SHISA6: variants seen among roughly 807,000 people sequenced by gnomAD.
The protein encoded by SHISA6 is protein shisa-6.
A neutral mutation model predicts 47.9 loss-of-function variants in SHISA6; 22 were observed. The observed-to-expected ratio is 0.46, with a 90% CI of 0.33 to 0.66. The LOEUF is 0.66. Ranked by LOEUF, SHISA6 falls within the 30% of genes least tolerant of loss-of-function variation. The pLI, the probability that SHISA6 is intolerant of heterozygous loss-of-function variation, is 0.02. For missense variants in SHISA6, 680 were observed against 764.6 expected (o/e 0.89, Z 1.30); for synonymous variants, 388 against 337.8 (o/e 1.15, Z -1.63).
chr17:11,298,970 G>A (rs1386536608), intron 2 of SHISA6, among the ~76,000 whole-genome samples: 1 of 152,186 alleles, frequency 6.6e-6, no homozygotes, highest in African/African-American at 2.4e-5. Flanking sequence ...TGTGCTTTGG[G>A]TCTAGTCTAT....
At chr17:11,297,366 A>T (rs1302711159) in intron 2 of SHISA6, among the ~76,000 whole-genome samples, 1 of 152,168 alleles carries the variant, frequency 6.6e-6, no homozygotes, top group Non-Finnish European at 1.5e-5. Context: ...ATAGCCCAAG[A>T]TAATTGTTCT....
At chr17:11,446,111 C>T (rs1012933191) in intron 3 of SHISA6, among the ~76,000 whole-genome samples, 1 of 152,204 alleles carries the variant, frequency 6.6e-6, no homozygotes, top group African/African-American at 2.4e-5. Flanking sequence ...CAGGCTTGAG[C>T]CACCGCAGCA....
At chr17:11,256,970 C>A (rs1364173344) in intron 1 of SHISA6, among the ~76,000 whole-genome samples, 1 of 152,190 alleles carries the variant, frequency 6.6e-6, no homozygotes, top group Non-Finnish European at 1.5e-5. Context: ...GCAGGCCGTG[C>A]CTTCCCTCAC....
intron 2 of SHISA6, among the ~76,000 whole-genome samples, chr17:11,330,857 C>T (rs569961663): frequency 6.6e-6 from 1 of 152,244 alleles, no homozygotes; most frequent in African/African-American, 2.4e-5. Flanking sequence ...AGTGGGGAAG[C>T]GCCTGACTTT....
intron 3 of SHISA6, among the ~76,000 whole-genome samples, chr17:11,542,224 C>T (rs183986881): frequency 6.6e-6 from 1 of 152,034 alleles, no homozygotes; most frequent in East Asian, 1.9e-4. Context: ...GTGAGATACC[C>T]TTGCCTTCTC....
intron 3 of SHISA6, among the ~76,000 whole-genome samples, chr17:11,531,209 CTCTG>C (rs1460207653): frequency 3.0e-5 from 4 of 132,522 alleles, no homozygotes; most frequent in African/African-American, 2.9e-5. Context: ...CAGGTTACTA[CTCTG>C]TGTGTGTGTG....
chr17:11,293,949 A>G (rs1597444258), intron 2 of SHISA6, among the ~76,000 whole-genome samples: 2 of 150,914 alleles, frequency 1.3e-5, no homozygotes, highest in African/African-American at 4.9e-5. Flanking sequence ...GCAGTGGCAC[A>G]ATCTCGGCTC....
rs61051749 is a variant in SHISA6, at chr17:11,501,115, AT to A, written c.896-50767del. Among the ~76,000 whole-genome samples, 1,197 of 145,054 alleles carry A rather than the reference AT, an allele frequency of 8.3e-3. 8 individuals are homozygous for A. The highest frequency in any genetic ancestry group is 0.02 in the African/African-American group (793 of 39,480). Reference sequence around the variant, plus strand: ...TATTAATCTCTAATGCTTCCAACACATTTTTTTTTTTTTTGAGATGGAGTTT... The same window carrying A: ...TATTAATCTCTAATGCTTCCAACACATTTTTTTTTTTTTGAGATGGAGTTT... On this transcript the variant is annotated intron_variant, in intron 3 of 5. Transcript: ENST00000441885.
intron 3 of SHISA6, among the ~76,000 whole-genome samples, chr17:11,435,911 C>T (rs1356506095): frequency 1.3e-5 from 2 of 152,116 alleles, no homozygotes; most frequent in Non-Finnish European, 2.9e-5. Context: ...TTTGTTTTTC[C>T]TTTTTATTTA....
At chr17:11,324,052 G>C (rs1352499648) in intron 2 of SHISA6, among the ~76,000 whole-genome samples, 2 of 152,160 alleles carry the variant, frequency 1.3e-5, no homozygotes, top group Non-Finnish European at 2.9e-5. Flanking sequence ...AGCGGTATAT[G>C]CACCCCTATT....
intron 2 of SHISA6, among the ~76,000 whole-genome samples, chr17:11,314,537 GT>G (rs1330886916): frequency 1.3e-4 from 19 of 143,894 alleles, no homozygotes; most frequent in African/African-American, 3.1e-4. Flanking sequence ...TCATTTTTTT[GT>G]TTTTTTTTTT....
intron 2 of SHISA6, among the ~76,000 whole-genome samples, chr17:11,317,860 AC>A (rs1473253811): frequency 5.9e-5 from 4 of 67,612 alleles, no homozygotes; most frequent in African/African-American, 2.1e-4. Context: ...CTTTTTGTTA[AC>A]TTTTTTTATT....
At chr17:11,423,215 A>ATGTGTG (rs140387181) in intron 3 of SHISA6, among the ~76,000 whole-genome samples, 84 of 135,710 alleles carry the variant, frequency 6.2e-4, no homozygotes, top group African/African-American at 2.3e-3. Flanking sequence ...ACATATATGT[A>ATGTGTG]TGTGTGTGTG....
intron 3 of SHISA6, among the ~76,000 whole-genome samples, chr17:11,537,361 G>A (rs1335104922): frequency 6.6e-6 from 1 of 152,094 alleles, no homozygotes; most frequent in Non-Finnish European, 1.5e-5. Flanking sequence ...GTGGCGGCGG[G>A]GGGGATCCCA....
intron 2 of SHISA6, among the ~76,000 whole-genome samples, chr17:11,314,999 A>G (rs1237430248): frequency 6.6e-6 from 1 of 152,244 alleles, no homozygotes; most frequent in Non-Finnish European, 1.5e-5. Context: ...TTATTTTTAA[A>G]TAAATCAGTG....
At chr17:11,379,221 AAT>A (rs1387013371) in intron 2 of SHISA6, among the ~76,000 whole-genome samples, 191 bp from the exon 3 acceptor site, 1 of 148,218 alleles carries the variant, frequency 6.7e-6, no homozygotes, top group African/African-American at 2.5e-5. Flanking sequence ...TATATTCAGT[AAT>A]ATATATATTT....
At chr17:11,428,706 C>T (rs1278860200) in intron 3 of SHISA6, among the ~76,000 whole-genome samples, 7 of 151,872 alleles carry the variant, frequency 4.6e-5, no homozygotes, top group African/African-American at 1.7e-4. Flanking sequence ...ATCATGGTTT[C>T]CCACAGGGCT....
chr17:11,417,695 T>A (rs2142278598), intron 3 of SHISA6, among the ~76,000 whole-genome samples: 1 of 152,356 alleles, frequency 6.6e-6, no homozygotes, highest in South Asian at 2.1e-4. Context: ...AGCAGAGCCA[T>A]TGCTGGTAGT....
chr17:11,357,063 C>G lies in SHISA6; in HGVS notation c.800-22351C>G, dbSNP rs143851140. Among the ~76,000 whole-genome samples, 215 of 151,898 alleles carry G rather than the reference C, an allele frequency of 1.4e-3. 3 individuals are homozygous for G. In the East Asian group the frequency reaches 0.026, roughly 18 times the overall value. On this transcript the variant is annotated intron_variant, in intron 2 of 5. Coordinates refer to ENST00000441885, the MANE Select transcript of SHISA6 (RefSeq NM_207386.4). ...AGCTGGGCGTGGTGGCAGGCACCAC[C>G]TGTAATCCCAGCTACTAGGGAGGCT... is the stretch of plus-strand genomic sequence containing the variant.
Sources: allele counts gnomAD v4.1 joint callset (sites outside exome capture counted in the v4.1 genomes callset), GRCh38; gene constraint gnomAD v4.1.1; transcripts MANE v1.5; gene names NCBI Gene and HGNC (gene_info 2026-07-23, HGNC 2026-07-21).